The following PPP1R1C variants were observed in gnomAD, a reference collection of about 807,000 sequenced individuals.
PPP1R1C encodes the protein protein phosphatase 1 regulatory inhibitor subunit 1C, also known as protein phosphatase 1 regulatory subunit 1C.
Under a neutral mutation model 17.4 loss-of-function variants are expected in PPP1R1C, and 15 were observed. The ratio of observed to expected loss-of-function variants is 0.86; its 90% CI spans 0.58 to 1.33. PPP1R1C has a LOEUF of 1.33. PPP1R1C is among the 40% of genes most tolerant of loss of function. The pLI, the probability that PPP1R1C is intolerant of heterozygous loss-of-function variation, is 0.00. For synonymous variants in PPP1R1C, 35 were observed against 43.1 expected, an observed-to-expected ratio of 0.81 and a Z score of 0.73; for missense variants, 143 against 130.0, an observed-to-expected ratio of 1.10 and a Z score of -0.48.
intron 2 of PPP1R1C, among the ~76,000 whole-genome samples, chr2:182,025,340 C>T (rs890599425): frequency 1.4e-5 from 2 of 142,312 alleles, no homozygotes; most frequent in Non-Finnish European, 3.0e-5. Context: ...GTATATCTCC[C>T]AATGCTATCC....
intron 4 of PPP1R1C, among the ~76,000 whole-genome samples, chr2:182,094,580 G>A (rs1688876760): frequency 6.6e-6 from 1 of 152,210 alleles, no homozygotes. Context: ...CAGTGGCAGT[G>A]AGCTACAGCT....
At chr2:182,094,902 C>T (rs1179576250) in intron 4 of PPP1R1C, among the ~76,000 whole-genome samples, 1 of 152,180 alleles carries the variant, frequency 6.6e-6, no homozygotes, top group Non-Finnish European at 1.5e-5. Context: ...TTTCAACTTA[C>T]TATGGGTTTA....
At chr2:181,986,228 A>ATTACCTTATGTAC in intron 1 of PPP1R1C, 37 bp downstream of exon 1, 1 of 1,461,680 alleles carries the variant, frequency 6.8e-7, no homozygotes, top group Non-Finnish European at 9.6e-7. Flanking sequence ...TCCTGTACAT[A>ATTACCTTATGTAC]AGGTAATATG....
chr2:182,020,206 A>C (rs535973460), intron 2 of PPP1R1C, among the ~76,000 whole-genome samples: 6 of 152,340 alleles, frequency 3.9e-5, no homozygotes, highest in Admixed American at 6.5e-5. Context: ...ATATTTAAAA[A>C]TATTCATACT....
At chr2:182,051,890 A>G (rs200782304) in intron 2 of PPP1R1C, among the ~76,000 whole-genome samples, 1 of 152,064 alleles carries the variant, frequency 6.6e-6, no homozygotes, top group East Asian at 1.9e-4. Context: ...AATCCCAGCT[A>G]CTCAGGAGGC....
Position 181,961,323 on chromosome 2 carries a change from A to G in PPP1R1C, n.111+6689A>G. The G allele has an allele frequency of 4.1e-6, 3 of 729,572 alleles. No homozygotes were observed. The highest frequency in any genetic ancestry group is 2.9e-5 in the South Asian group (2 of 69,964). The allele number at this position is 729,572 out of a possible 1,614,324, so 45.2% of individuals were successfully genotyped here. ...GGGCATCACCAAGATTGAAGTCATC[A>G]TCATCAAGCAGGCGGTGGTAGGTGG... On this transcript the variant is annotated intron_variant and non_coding_transcript_variant, in intron 1 of 5. Transcript: ENST00000464264. The surrounding 1 kb of genome is among the most constrained non-coding windows in gnomAD (Gnocchi z 5.8).
chr2:182,040,258 A>G (rs936870893), intron 2 of PPP1R1C, among the ~76,000 whole-genome samples: 4 of 152,216 alleles, frequency 2.6e-5, no homozygotes, highest in Non-Finnish European at 4.4e-5. Flanking sequence ...GCACTAGTTT[A>G]CATCCCCACC....
At chr2:182,084,041 G>T (rs892918916) in intron 4 of PPP1R1C, among the ~76,000 whole-genome samples, 4 of 151,978 alleles carry the variant, frequency 2.6e-5, no homozygotes, top group African/African-American at 7.2e-5. Flanking sequence ...TAAAATGTTT[G>T]TTGGTCATTT....
At chr2:182,047,231 T>C (rs1202273737) in intron 2 of PPP1R1C, among the ~76,000 whole-genome samples, 1 of 152,178 alleles carries the variant, frequency 6.6e-6, no homozygotes, top group Non-Finnish European at 1.5e-5. Context: ...TGATATCTTA[T>C]GTAGAAAAAT....
At chr2:182,058,707 A>G (rs1559075679) in intron 2 of PPP1R1C, among the ~76,000 whole-genome samples, 1 of 152,094 alleles carries the variant, frequency 6.6e-6, no homozygotes, top group Admixed American at 6.6e-5. Context: ...CGACAGACAA[A>G]TGGAAGAAAC....
At chr2:182,021,474 C>A (rs1041794011) in intron 2 of PPP1R1C, among the ~76,000 whole-genome samples, 1 of 151,704 alleles carries the variant, frequency 6.6e-6, no homozygotes, top group East Asian at 1.9e-4. Context: ...ACTACAGGTG[C>A]GAGACACCAC....
chr2:182,024,322 T>C (rs1236751715), intron 2 of PPP1R1C, among the ~76,000 whole-genome samples: 1 of 152,132 alleles, frequency 6.6e-6, no homozygotes, highest in South Asian at 2.1e-4. Context: ...TCCCGAAATA[T>C]AAGAATTAGA....
chr2:181,965,578 T>C (rs1684891248), intron 1 of PPP1R1C, among the ~76,000 whole-genome samples: 1 of 152,196 alleles, frequency 6.6e-6, no homozygotes, highest in Non-Finnish European at 1.5e-5. Context: ...TGTATGTTCT[T>C]GACATCTTTG....
At chr2:182,057,206 G>A (rs1342410586) in intron 2 of PPP1R1C, among the ~76,000 whole-genome samples, 1 of 152,188 alleles carries the variant, frequency 6.6e-6, no homozygotes, top group Non-Finnish European at 1.5e-5. Context: ...AAACATAGAG[G>A]ATAATCCTCA....
At chr2:181,965,818 A>T (rs962907989) in intron 1 of PPP1R1C, among the ~76,000 whole-genome samples, 5 of 152,046 alleles carry the variant, frequency 3.3e-5, no homozygotes, top group African/African-American at 1.2e-4. Flanking sequence ...ATTTTGGGAT[A>T]GTTTTTTCTA....
chr2:182,028,617 A>C (rs1203198314), intron 2 of PPP1R1C, among the ~76,000 whole-genome samples: 1 of 152,098 alleles, frequency 6.6e-6, no homozygotes, highest in East Asian at 1.9e-4. Context: ...TTGCTGAGGA[A>C]AGCTTTACTT....
chr2:182,072,978 C>A (rs1688182349), intron 4 of PPP1R1C, among the ~76,000 whole-genome samples: 1 of 152,180 alleles, frequency 6.6e-6, no homozygotes, highest in Admixed American at 6.5e-5. Context: ...CTCTTTATGA[C>A]CTTGCCTCTT....
downstream of PPP1R1C, among the ~76,000 whole-genome samples, chr2:182,121,723 C>T (rs1056846709): frequency 6.6e-6 from 1 of 151,906 alleles, no homozygotes; most frequent in South Asian, 2.1e-4. Context: ...AGGATGGTCT[C>T]GATATCCTGA....
intron 2 of PPP1R1C, among the ~76,000 whole-genome samples, chr2:182,040,810 C>T (rs1265466368): frequency 6.6e-6 from 1 of 152,118 alleles, no homozygotes. Flanking sequence ...AGACTCTGAT[C>T]CATCTTGACT....
Sources: gnomAD v4.1 joint callset for allele counts (sites outside exome capture counted in the v4.1 genomes callset) on GRCh38, gnomAD v4.1.1 for gene constraint, Gnocchi (gnomAD v3.1) non-coding constraint, MANE v1.5 for transcripts, NCBI Gene and HGNC (gene_info 2026-07-23, HGNC 2026-07-21) for gene names.